Variants in CDC42BPA observed in about 807,000 individuals in gnomAD.
The protein encoded by CDC42BPA is CDC42 binding protein kinase alpha.
Under a neutral mutation model 223.5 loss-of-function variants are expected in CDC42BPA, and 80 were observed. The observed-to-expected ratio is 0.36, with a 90% CI of 0.30 to 0.43. CDC42BPA has a LOEUF of 0.43. Among genes scored for constraint, CDC42BPA ranks in the 20% least tolerant of loss-of-function variants. CDC42BPA has a pLI of 1.00. For missense variants in CDC42BPA, 1,743 were observed against 2,099.9 expected (o/e 0.83, Z 3.32); for synonymous variants, 694 against 718.6 (o/e 0.97, Z 0.55).
chr1:226,991,436 G>C lies in CDC42BPA; in HGVS notation c.*2832C>G, dbSNP rs1197916716. The C allele has an allele frequency of 2.0e-5, 3 of 152,108 alleles. No homozygotes were observed. Among genetic ancestry groups the C allele is most frequent in the Non-Finnish European group, 2.9e-5 (2 of 68,012 alleles). 9.4% of individuals were successfully genotyped at this position (152,108 alleles called of 1,614,324 possible). A position where few individuals can be genotyped will look rare whatever the true frequency, so the allele number is the denominator to read the frequency against. ...TCTCAGAAGCTTCTGGAGGTAACAGGCTTCATATTTAAGGGTGGGATAAAC... is the reference window on the plus strand; with the variant it reads ...TCTCAGAAGCTTCTGGAGGTAACAGCCTTCATATTTAAGGGTGGGATAAAC... On this transcript the variant is annotated 3_prime_UTR_variant, in exon 37 of 37. Coordinates refer to ENST00000366766, the MANE Select transcript of CDC42BPA (RefSeq NM_001394014.1).
chr1:227,089,637 T>TG (rs1378012469), intron 16 of CDC42BPA, among the ~76,000 whole-genome samples: 1 of 144,964 alleles, frequency 6.9e-6, no homozygotes, highest in African/African-American at 2.6e-5. Flanking sequence ...GTTTTTTTTT[T>TG]TTTTTTTTTT....
At chr1:227,184,316 T>A (rs1409081179) in intron 5 of CDC42BPA, among the ~76,000 whole-genome samples, 1 of 152,202 alleles carries the variant, frequency 6.6e-6, no homozygotes, top group African/African-American at 2.4e-5. Context: ...TATAGTTTTA[T>A]GTTGTACATT....
chr1:227,160,934 G>C (rs965267245), intron 5 of CDC42BPA, among the ~76,000 whole-genome samples: 2 of 152,058 alleles, frequency 1.3e-5, no homozygotes, highest in Non-Finnish European at 2.9e-5. Context: ...GACTATGGTA[G>C]ACCTACTTTC....
At chr1:227,303,630 T>G (rs1165469749) in intron 1 of CDC42BPA, among the ~76,000 whole-genome samples, 5 of 152,174 alleles carry the variant, frequency 3.3e-5, no homozygotes, top group African/African-American at 7.2e-5. Flanking sequence ...GATAGCAATT[T>G]CTAAAACTTC....
chr1:227,280,779 G>C (rs1264741063), intron 1 of CDC42BPA, among the ~76,000 whole-genome samples: 1 of 152,196 alleles, frequency 6.6e-6, no homozygotes, highest in Non-Finnish European at 1.5e-5. Context: ...ACTGCATTCT[G>C]GAAGTTCTGT....
intron 2 of CDC42BPA, among the ~76,000 whole-genome samples, chr1:227,239,263 G>A (rs1003068039): frequency 7.2e-5 from 11 of 152,176 alleles, no homozygotes; most frequent in African/African-American, 2.4e-4. Flanking sequence ...GGGGTCAGTG[G>A]TGAGGGAGAA....
intron 2 of CDC42BPA, among the ~76,000 whole-genome samples, chr1:227,249,850 A>C (rs1558867823): frequency 6.6e-6 from 1 of 152,010 alleles, no homozygotes; most frequent in Non-Finnish European, 1.5e-5. Flanking sequence ...ATTAATGAGT[A>C]CAAAAAAAAC....
chr1:227,283,204 T>C (rs914166311), intron 1 of CDC42BPA, among the ~76,000 whole-genome samples: 1 of 152,156 alleles, frequency 6.6e-6, no homozygotes, highest in Non-Finnish European at 1.5e-5. Flanking sequence ...CCTGGAAAAG[T>C]ACATATAGTC....
intron 16 of CDC42BPA, among the ~76,000 whole-genome samples, chr1:227,085,816 T>C (rs1159219405): frequency 1.3e-5 from 2 of 151,982 alleles, no homozygotes; most frequent in Non-Finnish European, 2.9e-5. Flanking sequence ...AGTTTACCAG[T>C]TTTTTTTCAC....
At chr1:227,017,154 A>C in intron 32 of CDC42BPA, 104 bp from the exon 33 acceptor site, 2 of 1,019,152 alleles carry the variant, frequency 2.0e-6, no homozygotes, top group Non-Finnish European at 2.8e-6. Flanking sequence ...GTACAAGTAC[A>C]TGCAATTCTG....
In CDC42BPA at chr1:227,031,503, G is replaced by A. The variant is rs200331694; in HGVS notation, c.3570C>T (p.Ser1190=). The change falls in exon 28 of 37, where the codon TCC becomes TCT. Residue 1190 remains serine, a synonymous_variant. Transcript: ENST00000366766. ...ATTTGTTATTAGATGCTGAGAGCTG[G>A]GAAGCTGTGACCTAGAACAATTTAA... ...DIPCIFRVTA[S]QLSASNNKCS... is the part of the protein sequence containing the mutation. 6.2e-7 allele frequency: 1 copy of A among 1,613,668 alleles called. No homozygotes were observed.
chr1:227,000,493 G>C (rs1271663619), intron 35 of CDC42BPA, among the ~76,000 whole-genome samples: 1 of 152,108 alleles, frequency 6.6e-6, no homozygotes, highest in Non-Finnish European at 1.5e-5. Context: ...CTTACTAATG[G>C]TGTGACCTTA....
intron 32 of CDC42BPA, among the ~76,000 whole-genome samples, chr1:227,018,658 A>G (rs532104399): frequency 6.6e-6 from 1 of 152,320 alleles, no homozygotes; most frequent in African/African-American, 2.4e-5. Context: ...TTCCTCTAAG[A>G]AACAGAATAC....
At chr1:227,011,534 GT>G (rs1665206284) in intron 34 of CDC42BPA, among the ~76,000 whole-genome samples, 1 of 152,030 alleles carries the variant, frequency 6.6e-6, no homozygotes, top group African/African-American at 2.4e-5. Flanking sequence ...CTGATAATGT[GT>G]TTGTTTTTAC....
intron 5 of CDC42BPA, among the ~76,000 whole-genome samples, chr1:227,175,863 T>C (rs555965231): frequency 6.6e-6 from 1 of 152,210 alleles, no homozygotes. Flanking sequence ...GGAAATCGTA[T>C]GTGAGGACGA....
At chr1:227,032,740 A>C (rs1034918355) in intron 27 of CDC42BPA, among the ~76,000 whole-genome samples, 5 of 152,178 alleles carry the variant, frequency 3.3e-5, no homozygotes, top group African/African-American at 1.2e-4. Context: ...ACCAGAGACC[A>C]CATGGAGGGA....
In CDC42BPA at chr1:227,174,490, G is replaced by T. The variant is rs184348881; in HGVS notation, c.600-13854C>A. 1.2e-3 allele frequency among the ~76,000 whole-genome samples: 189 copies of T among 152,124 alleles called. 2 individuals carry two copies. Among genetic ancestry groups the T allele is most frequent in the African/African-American group, 4.2e-3 (174 of 41,504 alleles). On this transcript the variant is annotated intron_variant, in intron 5 of 36. Coordinates refer to ENST00000366766, the MANE Select transcript of CDC42BPA (RefSeq NM_001394014.1). ...CCAATCCTTCATGAAATTCTTATGG[G>T]ATAACAGATGAAAAACTCTCTAGAT... is the stretch of plus-strand genomic sequence containing the variant.
chr1:227,027,429 C>T (rs1668472231), intron 30 of CDC42BPA, among the ~76,000 whole-genome samples: 1 of 152,136 alleles, frequency 6.6e-6, no homozygotes, highest in African/African-American at 2.4e-5. Context: ...CTCCTCCTGC[C>T]CCCAAGTAAT....
chr1:227,115,600 T>C (rs539770559), intron 12 of CDC42BPA, among the ~76,000 whole-genome samples: 2 of 152,194 alleles, frequency 1.3e-5, no homozygotes, highest in Admixed American at 6.5e-5. Flanking sequence ...CACGAACTAT[T>C]TTCAAGAACA....
Sources: gnomAD v4.1 joint callset for allele counts (sites outside exome capture counted in the v4.1 genomes callset) on GRCh38, gnomAD v4.1.1 for gene constraint, MANE v1.5 for transcripts, NCBI Gene and HGNC (gene_info 2026-07-23, HGNC 2026-07-21) for gene names.